CDK13: variants seen among roughly 807,000 people sequenced by gnomAD.
CDK13 encodes cyclin-dependent kinase 13.
In CDK13, 40 loss-of-function variants were observed where a neutral mutation model predicts 137.6. The observed-to-expected ratio is 0.29, with a 90% CI of 0.23 to 0.38. The LOEUF is 0.38. Among genes scored for constraint, CDK13 ranks in the 10% least tolerant of loss-of-function variants. CDK13 has a pLI of 1.00. For synonymous variants in CDK13, 869 were observed against 760.1 expected (o/e 1.14, Z -2.36); for missense variants, 1,704 against 1,951.8 (o/e 0.87, Z 2.39).
At chr7:39,994,875 A>G (rs1267062900) in intron 2 of CDK13, among the ~76,000 whole-genome samples, 3 of 151,938 alleles carry the variant, frequency 2.0e-5, no homozygotes, top group Non-Finnish European at 4.4e-5. Flanking sequence ...TTATTCTTAG[A>G]CAAATTTTAT....
chr7:40,078,880 A>G, intron 11 of CDK13, 29 bp downstream of exon 11: 2 of 893,376 alleles, frequency 2.2e-6, no homozygotes, highest in Non-Finnish European at 2.9e-6. Flanking sequence ...TATTATTATT[A>G]TATATTATTA....
chr7:39,975,554 A>G (rs376928412), intron 1 of CDK13, among the ~76,000 whole-genome samples: 1 of 152,218 alleles, frequency 6.6e-6, no homozygotes, highest in Non-Finnish European at 1.5e-5. Flanking sequence ...TGATTGCCAC[A>G]TTGGTTTCTC....
intron 5 of CDK13, among the ~76,000 whole-genome samples, chr7:40,004,430 T>C (rs1464928120): frequency 6.6e-6 from 1 of 152,242 alleles, no homozygotes; most frequent in Non-Finnish European, 1.5e-5. Flanking sequence ...AAGTTACATG[T>C]AGGTACCTAG....
At chr7:39,957,309 C>CTAGATGATAAAAGTTAGTTTTTTTAT (rs772284757) in intron 1 of CDK13, among the ~76,000 whole-genome samples, 1 of 151,576 alleles carries the variant, frequency 6.6e-6, no homozygotes, top group Non-Finnish European at 1.5e-5. Context: ...AGTTTTTTTT[C>CTAGATGATAAAAGTTAGTTTTTTTAT]CTGTGCCCCC....
chr7:39,957,114 T>C (rs1562696364), intron 1 of CDK13, among the ~76,000 whole-genome samples: 1 of 151,592 alleles, frequency 6.6e-6, no homozygotes, highest in African/African-American at 2.4e-5. Context: ...TGTGTGTGTG[T>C]GTGTGTGTGT....
In CDK13 at chr7:39,950,380, C is replaced by A. The variant is rs1024031449; in HGVS notation, c.-262C>A. The A allele has an allele frequency of 8.2e-7, 1 of 1,218,150 alleles. No individual in the cohort carries two copies. The highest frequency in any genetic ancestry group is 1.0e-6 in the Non-Finnish European group (1 of 979,458). 75.5% of individuals were successfully genotyped at this position (1,218,150 alleles called of 1,614,324 possible). On this transcript the variant is annotated 5_prime_UTR_variant, in exon 1 of 14. Transcript: ENST00000181839. ...CCGGCGCATCTGGTGTTTTCGCTGC[C>A]GAGGATAGGACGACGAGCGCAATCG...
chr7:39,997,567 T>C lies in CDK13; in HGVS notation c.1945T>C (p.Leu649=). Reference sequence around the variant, plus strand: ...GAAACTCCGATGTCTTCTTGCTGATTTACCGCTGCCCCCTGAGCTACCAGG... The same window carrying C: ...GAAACTCCGATGTCTTCTTGCTGATCTACCGCTGCCCCCTGAGCTACCAGG... ...EKKLRCLLAD[L]PLPPELPGGD... Residue 649 remains leucine, a synonymous_variant, in exon 3 of 14, where the codon TTA becomes CTA. Transcript: ENST00000181839. The C allele has an allele frequency of 6.2e-7, 1 of 1,605,744 alleles. No homozygotes were observed. The highest frequency in any genetic ancestry group is 8.5e-7 in the Non-Finnish European group (1 of 1,178,038).
In CDK13 at chr7:40,078,024, T is replaced by C. The variant is rs1157375959; in HGVS notation, c.2800T>C (p.Cys934Arg). The C allele has an allele frequency of 6.4e-7, 1 of 1,568,158 alleles. No individual in the cohort carries two copies. Among genetic ancestry groups the C allele is most frequent in the Non-Finnish European group, 8.6e-7 (1 of 1,160,496 alleles). Residue 934 changes from cysteine (C) to arginine (R), a missense_variant, in exon 10 of 14, where the codon TGT becomes CGT. Around this residue, in one of 5 missense-constraint regions of CDK13, gnomAD observed 130 missense variants for 362.4 expected, o/e 0.36. Transcript: ENST00000181839. ...ELISRICGSP[C>R]PAVWPDVIKL... ...GCTTAGCCGAATATGTGGGAGTCCATGTCCTGCAGTGTGGCCTGATGTAAT... is the reference window on the plus strand; with the variant it reads ...GCTTAGCCGAATATGTGGGAGTCCACGTCCTGCAGTGTGGCCTGATGTAAT...
At chr7:40,042,213 G>A (rs1307327672) in intron 5 of CDK13, among the ~76,000 whole-genome samples, 4 of 151,852 alleles carry the variant, frequency 2.6e-5, no homozygotes, top group Non-Finnish European at 5.9e-5. Context: ...CGAGTAGCTG[G>A]GATTACAGGC....
intron 7 of CDK13, among the ~76,000 whole-genome samples, chr7:40,052,338 A>T (rs1785910146): frequency 6.6e-6 from 1 of 151,984 alleles, no homozygotes; most frequent in Non-Finnish European, 1.5e-5. Flanking sequence ...CACCACGCCC[A>T]GCTAATTTTT....
chr7:40,088,120 T>TTC lies in CDK13; in HGVS notation c.3030-5_3030-4insCT. The TTC allele has an allele frequency of 1.2e-6, 2 of 1,608,900 alleles. No homozygotes were observed. The highest frequency in any genetic ancestry group is 1.7e-5 in the Admixed American group (1 of 58,972). On this transcript the variant is annotated splice_region_variant and splice_polypyrimidine_tract_variant and intron_variant, in intron 11 of 13. Transcript: ENST00000181839. ...ATTTACAATTTAATTCCTTTTTTTT[T>TTC]TTCAGTCTCCCTTTATGGCAAGATT...
chr7:40,081,355 T>A (rs558151543), intron 11 of CDK13, among the ~76,000 whole-genome samples: 2 of 152,290 alleles, frequency 1.3e-5, no homozygotes, highest in East Asian at 1.9e-4. Context: ...AATGCTGACA[T>A]TTTTAAGTAG....
At chr7:40,051,263 C>T (rs1785881504) in intron 7 of CDK13, among the ~76,000 whole-genome samples, 1 of 144,308 alleles carries the variant, frequency 6.9e-6, no homozygotes, top group South Asian at 2.2e-4. Context: ...TAAAACTTCT[C>T]TTTTTTTTTT....
intron 2 of CDK13, among the ~76,000 whole-genome samples, chr7:39,992,152 G>T (rs1784472298): frequency 7.2e-6 from 1 of 138,428 alleles, no homozygotes; most frequent in South Asian, 2.5e-4. Flanking sequence ...TTGTTTAAGA[G>T]AACTAATGAG....
At chr7:39,958,783 G>A (rs909635130) in intron 1 of CDK13, among the ~76,000 whole-genome samples, 1 of 151,540 alleles carries the variant, frequency 6.6e-6, no homozygotes, top group African/African-American at 2.4e-5. Flanking sequence ...AATTTCCTGG[G>A]GATAAAATTT....
chr7:39,977,194 G>T (rs942409698), intron 1 of CDK13, among the ~76,000 whole-genome samples: 3 of 152,192 alleles, frequency 2.0e-5, no homozygotes, highest in Non-Finnish European at 4.4e-5. Flanking sequence ...CACTAGGCCA[G>T]TATGTGGGAA....
Position 39,976,323 on chromosome 7 carries a change from T to TCTCTCTCTCTCTCTCTCTCTCTCACACA in CDK13, c.1212-11275_1212-11274insTCTCTCTCTCTCTCTCTCTCTCACACAC. Among the ~76,000 whole-genome samples the TCTCTCTCTCTCTCTCTCTCTCTCACACA allele has an allele frequency of 1.5e-4, 6 of 39,580 alleles. No homozygotes were observed. The East Asian group carries it at 2.1e-3, about 14-fold the overall frequency. 26.0% of individuals were successfully genotyped at this position (39,580 alleles called of 152,430 possible). Reference sequence around the variant, plus strand: ...CTCTCTCTCTCTCTCTCTCTCTCTCTCACACACACACACACACACACACAC... The same window carrying TCTCTCTCTCTCTCTCTCTCTCTCACACA: ...CTCTCTCTCTCTCTCTCTCTCTCTCTCTCTCTCTCTCTCTCTCTCTCTCACACACACACACACACACACACACACACAC... On this transcript the variant is annotated intron_variant, in intron 1 of 13. Coordinates refer to ENST00000181839, the MANE Select transcript of CDK13 (RefSeq NM_003718.5).
chr7:39,976,949 C>G (rs1784125429), intron 1 of CDK13, among the ~76,000 whole-genome samples: 1 of 152,140 alleles, frequency 6.6e-6, no homozygotes, highest in South Asian at 2.1e-4. Context: ...GACTCGGTTT[C>G]TGCTCCTCAA....
chr7:40,061,484 C>T (rs1786147607), intron 7 of CDK13: 1 of 152,126 alleles, frequency 6.6e-6, no homozygotes, highest in African/African-American at 2.4e-5. Context: ...CCTGGAACTG[C>T]AAATCTATAG....
Sources: gnomAD v4.1 joint callset for allele counts (sites outside exome capture counted in the v4.1 genomes callset) on GRCh38, gnomAD v4.1.1 for gene constraint, gnomAD v4.1.1 regional missense constraint, MANE v1.5 for transcripts, NCBI Gene and HGNC (gene_info 2026-07-23, HGNC 2026-07-21) for gene names.